PCDHB1: variants seen among roughly 807,000 people sequenced by gnomAD.
The protein encoded by PCDHB1 is protocadherin beta 1.
A neutral mutation model predicts 43.5 loss-of-function variants in PCDHB1; 44 were observed. That is an observed-to-expected ratio of 1.01 (90% confidence interval 0.79 to 1.30). PCDHB1 has a LOEUF of 1.30. Ranked by LOEUF, PCDHB1 falls within the 50% of genes most tolerant of loss-of-function variation. PCDHB1 has a pLI of 0.00. For missense variants in PCDHB1, 919 were observed against 1,008.9 expected, an observed-to-expected ratio of 0.91 and a Z score of 1.21; for synonymous variants, 392 against 400.8, an observed-to-expected ratio of 0.98 and a Z score of 0.26.
Position 141,052,259 on chromosome 5 carries a change from G to A in PCDHB1, c.789G>A (p.Thr263=), listed in dbSNP as rs782019630. The A allele has an allele frequency of 1.9e-6, 3 of 1,614,146 alleles. No homozygotes were observed. Among genetic ancestry groups the A allele is most frequent in the South Asian group, 1.1e-5 (1 of 91,086 alleles). ...ENSPNGSLVA[T]VTAVDLDEGT... Reference sequence around the variant, plus strand: ...GCCCCAATGGCTCTTTGGTGGCCACGGTGACTGCCGTGGACCTAGACGAGG... The same window carrying A: ...GCCCCAATGGCTCTTTGGTGGCCACAGTGACTGCCGTGGACCTAGACGAGG... Residue 263 remains threonine, a synonymous_variant, in exon 1 of 1, where the codon ACG becomes ACA. Transcript: ENST00000306549.
At position 141,053,916 on chromosome 5, in the gene PCDHB1, G is replaced by A; in HGVS notation, c.2446G>A (p.Asp816Asn). The stretch of plus-strand genomic sequence containing the variant: ...AGAGGGCCATGACCAGGTATCTGAT[G>A]ACTATATGTAGCTCCTATTTACAGG... The part of the protein sequence containing the change: ...RLEGHDQVSD[D>N]YM The change falls in exon 1 of 1, where the codon GAC becomes AAC. Residue 816 changes from aspartate to asparagine, a missense_variant. Transcript: ENST00000306549. 1 of 1,612,366 alleles carries A rather than the reference G, an allele frequency of 6.2e-7. No individual in the cohort carries two copies. The highest frequency in any genetic ancestry group is 8.5e-7 in the Non-Finnish European group (1 of 1,179,010).
At position 141,051,956 on chromosome 5, in the gene PCDHB1, G is replaced by A. The variant is rs1232906505; in HGVS notation, c.486G>A (p.Val162=). ...TGCAGAGCGCCCAGGATCTGGACGTGGGCCTTAACGGTCTCCAGAACTACA... is the reference window on the plus strand; with the variant it reads ...TGCAGAGCGCCCAGGATCTGGACGTAGGCCTTAACGGTCTCCAGAACTACA... The part of the protein sequence containing the change: ...FPLQSAQDLD[V]GLNGLQNYTL... Residue 162 remains valine (V), a synonymous_variant, in exon 1 of 1, where the codon GTG becomes GTA. Transcript: ENST00000306549. 13 of 1,614,022 alleles carry A rather than the reference G, an allele frequency of 8.1e-6. No homozygotes were observed. Among genetic ancestry groups the A allele is most frequent in the Non-Finnish European group, 1.0e-5 (12 of 1,180,044 alleles).
rs1462144127 is a variant in PCDHB1 at position 141,052,454 on chromosome 5, T to C, written c.984T>C (p.Ser328=). 14 of 1,614,104 alleles carry C rather than the reference T, an allele frequency of 8.7e-6. No homozygotes were observed. The highest frequency in any genetic ancestry group is 1.1e-5 in the Non-Finnish European group (13 of 1,180,044). ...AAGCTACAGATGGTGGAGGCCTCTC[T>C]GCCCACAGCAAAGTCCTGGTAGAAG... is the stretch of plus-strand genomic sequence containing the variant. ...DIQATDGGGL[S]AHSKVLVEVV... The change falls in exon 1 of 1, where the codon TCT becomes TCC. Residue 328 remains serine (S), a synonymous_variant. Transcript: ENST00000306549.
Position 141,056,646 on chromosome 5 carries a change from C to G in PCDHB1, c.*2719C>G, listed in dbSNP as rs1328530207. 1 of 152,052 alleles carries G rather than the reference C, an allele frequency of 6.6e-6. No homozygotes were observed. Among genetic ancestry groups the G allele is most frequent in the East Asian group, 1.9e-4 (1 of 5,192 alleles). The allele number at this position is 152,052 out of a possible 1,614,324, so 9.4% of individuals were successfully genotyped here. On this transcript the variant is annotated 3_prime_UTR_variant, in exon 1 of 1. Coordinates refer to ENST00000306549, the MANE Select transcript of PCDHB1 (RefSeq NM_013340.4). ...TGGAGACAAAGTCTTGCTCTGTCACCCAGGCTGGAGTACAGTGGCATGATC... is the reference window on the plus strand; with the variant it reads ...TGGAGACAAAGTCTTGCTCTGTCACGCAGGCTGGAGTACAGTGGCATGATC...
At position 141,052,882 on chromosome 5, in the gene PCDHB1, T is replaced by C. The variant is rs782089286; in HGVS notation, c.1412T>C (p.Ile471Thr). Residue 471 changes from isoleucine to threonine, a missense_variant, in exon 1 of 1, where the codon ATT becomes ACT. Coordinates refer to ENST00000306549, the MANE Select transcript of PCDHB1 (RefSeq NM_013340.4). ...VRENNSPAVFIGKVHAEDLDL... is the reference protein window; with the variant it reads ...VRENNSPAVFTGKVHAEDLDL... ...GAAAACAACAGTCCTGCGGTTTTTA[T>C]TGGCAAAGTCCATGCTGAGGATCTT... The C allele has an allele frequency of 1.4e-5, 22 of 1,614,208 alleles. No individual in the cohort carries two copies. Among genetic ancestry groups the C allele is most frequent in the Admixed American group, 3.3e-5 (2 of 60,028 alleles).
Position 141,057,521 on chromosome 5 carries a change from A to G in PCDHB1, c.*3594A>G, listed in dbSNP as rs1393731143. The G allele has an allele frequency of 6.8e-6, 1 of 147,268 alleles. No individual in the cohort carries two copies. Among genetic ancestry groups the G allele is most frequent in the Non-Finnish European group, 1.5e-5 (1 of 67,098 alleles). The allele number at this position is 147,268 out of a possible 1,614,324, so 9.1% of individuals were successfully genotyped here. On this transcript the variant is annotated 3_prime_UTR_variant, in exon 1 of 1. Coordinates refer to ENST00000306549, the MANE Select transcript of PCDHB1 (RefSeq NM_013340.4). ...CATGCCACTGCACTCCAGCCTGGCGACAAAGCAAGACTCTGTCTCAAAAAA... is the reference window on the plus strand; with the variant it reads ...CATGCCACTGCACTCCAGCCTGGCGGCAAAGCAAGACTCTGTCTCAAAAAA...
Position 141,057,540 on chromosome 5 carries a change from C to CAAAAAAAAAAAAAAAAGGAAAAAA in PCDHB1, c.*3629_*3630insGGAAAAAAAAAAAAAAAAAAAAAA, listed in dbSNP as rs1751157910. On this transcript the variant is annotated 3_prime_UTR_variant, in exon 1 of 1. Coordinates refer to ENST00000306549, the MANE Select transcript of PCDHB1 (RefSeq NM_013340.4). ...CTGGCGACAAAGCAAGACTCTGTCTCAAAAAAAAAAAAAAAAAAGAAAAAA... is the reference window on the plus strand; with the variant it reads ...CTGGCGACAAAGCAAGACTCTGTCTCAAAAAAAAAAAAAAAAGGAAAAAAAAAAAAAAAAAAAAAAAAGAAAAAA... The CAAAAAAAAAAAAAAAAGGAAAAAA allele has an allele frequency of 1.4e-5, 1 of 72,356 alleles. No homozygotes were observed. Among genetic ancestry groups the CAAAAAAAAAAAAAAAAGGAAAAAA allele is most frequent in the Non-Finnish European group, 2.8e-5 (1 of 35,634 alleles). The allele number at this position is 72,356 out of a possible 1,614,324, so 4.5% of individuals were successfully genotyped here. A position where few individuals can be genotyped will look rare whatever the true frequency, so the allele number is the denominator to read the frequency against.
At position 141,057,826 on chromosome 5, in the gene PCDHB1, A is replaced by G. The variant is rs1751166308; in HGVS notation, c.*3899A>G. The G allele has an allele frequency of 6.6e-6, 1 of 152,164 alleles. No homozygotes were observed. Among genetic ancestry groups the G allele is most frequent in the Admixed American group, 6.5e-5 (1 of 15,274 alleles). The allele number at this position is 152,164 out of a possible 1,614,324, so 9.4% of individuals were successfully genotyped here. A position where few individuals can be genotyped will look rare whatever the true frequency, so the allele number is the denominator to read the frequency against. Reference sequence around the variant, plus strand: ...CTTGTTTTTGGAGAGAACTCTGTACACCAGCTGAGATTAAGTCCAGGTCTC... The same window carrying G: ...CTTGTTTTTGGAGAGAACTCTGTACGCCAGCTGAGATTAAGTCCAGGTCTC... On this transcript the variant is annotated 3_prime_UTR_variant, in exon 1 of 1. Transcript: ENST00000306549.
Position 141,052,607 on chromosome 5 carries a change from A to G in PCDHB1, c.1137A>G (p.Gly379=), listed in dbSNP as rs782738989. Residue 379 remains glycine, a synonymous_variant, in exon 1 of 1, where the codon GGA becomes GGG. Coordinates refer to ENST00000306549, the MANE Select transcript of PCDHB1 (RefSeq NM_013340.4). ...TCAGAGACCGGGACATTCGAGTGGG[A>G]GGAAAAGTCACCTGCTTCCTCAGAG... ...FTIRDRDIRV[G]GKVTCFLRED... is the part of the protein sequence containing the mutation. 5 of 1,614,146 alleles carry G rather than the reference A, an allele frequency of 3.1e-6. No individual in the cohort carries two copies. Among genetic ancestry groups the G allele is most frequent in the Middle Eastern group, 1.6e-4 (1 of 6,062 alleles).
At position 141,057,510 on chromosome 5, in the gene PCDHB1, C is replaced by T. The variant is rs565865609; in HGVS notation, c.*3583C>T. On this transcript the variant is annotated 3_prime_UTR_variant, in exon 1 of 1. Coordinates refer to ENST00000306549, the MANE Select transcript of PCDHB1 (RefSeq NM_013340.4). ...TGAGCTGAGATCATGCCACTGCACTCCAGCCTGGCGACAAAGCAAGACTCT... is the reference window on the plus strand; with the variant it reads ...TGAGCTGAGATCATGCCACTGCACTTCAGCCTGGCGACAAAGCAAGACTCT... 1 of 137,760 alleles carries T rather than the reference C, an allele frequency of 7.3e-6. No homozygotes were observed. The highest frequency in any genetic ancestry group is 2.8e-5 in the African/African-American group (1 of 36,136). 8.5% of individuals were successfully genotyped at this position (137,760 alleles called of 1,614,324 possible).
rs782038811 is a variant in PCDHB1 at position 141,052,727 on chromosome 5, T to C, written c.1257T>C (p.Asn419=). 1.2e-6 allele frequency: 2 copies of C among 1,614,170 alleles called. No individual in the cohort carries two copies. Among genetic ancestry groups the C allele is most frequent in the Non-Finnish European group, 1.7e-6 (2 of 1,180,012 alleles). ...ATCGGGAGGAGGTCTCAGGCTATAATATCACCATTGTTGCCATGGATACTG... is the reference window on the plus strand; with the variant it reads ...ATCGGGAGGAGGTCTCAGGCTATAACATCACCATTGTTGCCATGGATACTG... ...SLDREEVSGY[N]ITIVAMDTGP... The change falls in exon 1 of 1, where the codon AAT becomes AAC. Residue 419 remains asparagine, a synonymous_variant. Coordinates refer to ENST00000306549, the MANE Select transcript of PCDHB1 (RefSeq NM_013340.4).
Position 141,052,243 on chromosome 5 carries a change from GC to G in PCDHB1, c.774del (p.Ser259LeufsTer6). 3.7e-6 allele frequency: 6 copies of G among 1,614,142 alleles called. No individual in the cohort carries two copies. Among genetic ancestry groups the G allele is most frequent in the Non-Finnish European group, 5.1e-6 (6 of 1,180,018 alleles). On this transcript the variant is annotated frameshift_variant, in exon 1 of 1. Transcript: ENST00000306549. LOFTEE classifies it high-confidence loss of function. Reference protein sequence around the residue: ...RAQVSENSPNGSLVATVTAVD... With the variant: ...RAQVSENSPNXSLVATVTAVD... ...CAGGTATCAGAGAACAGCCCCAATG[GC>G]TCTTTGGTGGCCACGGTGACTGCCG...
In PCDHB1 at chr5:141,051,928, CT is replaced by C. The variant is rs1461954902; in HGVS notation, c.459del (p.Leu154CysfsTer19). 1 of 1,614,072 alleles carries C rather than the reference CT, an allele frequency of 6.2e-7. No individual in the cohort carries two copies. Among genetic ancestry groups the C allele is most frequent in the Non-Finnish European group, 8.5e-7 (1 of 1,180,044 alleles). ...PESTPLGSRF[P>X]LQSAQDLDVG... The stretch of plus-strand genomic sequence containing the variant: ...AGCACCCCTTTGGGTTCACGTTTTC[CT>C]CTGCAGAGCGCCCAGGATCTGGACG... On this transcript the variant is annotated frameshift_variant, in exon 1 of 1. Transcript: ENST00000306549. LOFTEE classifies it high-confidence loss of function.
rs1554267495 is a variant in PCDHB1 at position 141,053,640 on chromosome 5, T to C, written c.2170T>C (p.Phe724Leu). The C allele has an allele frequency of 6.2e-7, 1 of 1,614,118 alleles. No individual in the cohort carries two copies. The highest frequency in any genetic ancestry group is 1.7e-5 in the Admixed American group (1 of 60,020). The part of the protein sequence containing the change: ...VYQKIKYREK[F>L]TIQEHFYDDC... Reference sequence around the variant, plus strand: ...CCAAAAGATTAAATATAGAGAAAAGTTCACAATTCAAGAGCATTTCTATGA... The same window carrying C: ...CCAAAAGATTAAATATAGAGAAAAGCTCACAATTCAAGAGCATTTCTATGA... The change falls in exon 1 of 1, where the codon TTC (phenylalanine) becomes CTC (leucine). Residue 724 changes from phenylalanine (F) to leucine (L), a missense_variant. Phe to Leu is a conservative substitution (Grantham distance 22). Transcript: ENST00000306549.
Position 141,053,553 on chromosome 5 carries a change from C to T in PCDHB1, c.2083C>T (p.Leu695=), listed in dbSNP as rs1554267480. ...ATCCACTAAATATTTGGTCATTTCTCTGGTCATCCTTTCCTTTCTCTTTCT... is the reference window on the plus strand; with the variant it reads ...ATCCACTAAATATTTGGTCATTTCTTTGGTCATCCTTTCCTTTCTCTTTCT... ...NPSTKYLVIS[L]VILSFLFLLS... Residue 695 remains leucine, a synonymous_variant, in exon 1 of 1, where the codon CTG becomes TTG. Coordinates refer to ENST00000306549, the MANE Select transcript of PCDHB1 (RefSeq NM_013340.4). The T allele has an allele frequency of 6.2e-7, 1 of 1,614,084 alleles. No individual in the cohort carries two copies. The highest frequency in any genetic ancestry group is 1.1e-5 in the South Asian group (1 of 91,082).
rs782375909 is a variant in PCDHB1, at chr5:141,053,201, G to A, written c.1731G>A (p.Val577=). ...QNGTLPCNDL[V]PRSAEAGYLV... is the part of the protein sequence containing the mutation. ...GCACCTTGCCCTGCAATGACCTGGT[G>A]CCCAGGTCTGCAGAGGCAGGCTACC... The change falls in exon 1 of 1, where the codon GTG becomes GTA. Residue 577 remains valine (V), a synonymous_variant. Transcript: ENST00000306549. 1 of 1,614,112 alleles carries A rather than the reference G, an allele frequency of 6.2e-7. No individual in the cohort carries two copies.
chr5:141,051,916 G>C lies in PCDHB1; in HGVS notation c.446G>C (p.Gly149Ala). Reference protein sequence around the residue: ...LLKIPESTPLGSRFPLQSAQD... With the variant: ...LLKIPESTPLASRFPLQSAQD... ...AAGATTCCGGAGAGCACCCCTTTGG[G>C]TTCACGTTTTCCTCTGCAGAGCGCC... The change falls in exon 1 of 1, where the codon GGT becomes GCT. Residue 149 changes from glycine (G) to alanine (A), a missense_variant. Physicochemically the swap from Gly to Ala is moderately conservative, Grantham distance 60 (BLOSUM62 0). Transcript: ENST00000306549. 6.2e-7 allele frequency: 1 copy of C among 1,614,194 alleles called. No homozygotes were observed. The highest frequency in any genetic ancestry group is 8.5e-7 in the Non-Finnish European group (1 of 1,180,040).
rs370497604 is a variant in PCDHB1, at chr5:141,057,540, C to CAAAAAAAAAAAAAAAAAAAAAAA, written c.*3631_*3632insAAAAAAAAAAAAAAAAAAAAAAA. On this transcript the variant is annotated 3_prime_UTR_variant, in exon 1 of 1. Transcript: ENST00000306549. ...CTGGCGACAAAGCAAGACTCTGTCTCAAAAAAAAAAAAAAAAAAGAAAAAA... is the reference window on the plus strand; with the variant it reads ...CTGGCGACAAAGCAAGACTCTGTCTCAAAAAAAAAAAAAAAAAAAAAAAAAAAAAAAAAAAAAAAAAGAAAAAA... The CAAAAAAAAAAAAAAAAAAAAAAA allele has an allele frequency of 2.8e-5, 2 of 72,356 alleles. No individual in the cohort carries two copies. Among genetic ancestry groups the CAAAAAAAAAAAAAAAAAAAAAAA allele is most frequent in the African/African-American group, 5.1e-5 (1 of 19,556 alleles). The allele number at this position is 72,356 out of a possible 1,614,324, so 4.5% of individuals were successfully genotyped here.
Position 141,052,714 on chromosome 5 carries a change from T to A in PCDHB1, c.1244T>A (p.Val415Asp). Reference sequence around the variant, plus strand: ...GACAGAAGCTTGGATCGGGAGGAGGTCTCAGGCTATAATATCACCATTGTT... The same window carrying A: ...GACAGAAGCTTGGATCGGGAGGAGGACTCAGGCTATAATATCACCATTGTT... ...VTDRSLDREEVSGYNITIVAM... is the reference protein window; with the variant it reads ...VTDRSLDREEDSGYNITIVAM... Residue 415 changes from valine to aspartate, a missense_variant, in exon 1 of 1, where the codon GTC (valine) becomes GAC (aspartate). Physicochemically the swap from Val to Asp is radical, Grantham distance 152 (BLOSUM62 -3). Coordinates refer to ENST00000306549, the MANE Select transcript of PCDHB1 (RefSeq NM_013340.4). 3 of 1,614,096 alleles carry A rather than the reference T, an allele frequency of 1.9e-6. No homozygotes were observed. The highest frequency in any genetic ancestry group is 1.1e-5 in the South Asian group (1 of 91,074).
Sources: gnomAD v4.1 joint callset for allele counts on GRCh38, gnomAD v4.1.1 for gene constraint, MANE v1.5 for transcripts, NCBI Gene and HGNC (gene_info 2026-07-23, HGNC 2026-07-21) for gene names.